Variants in TTLL5 observed in about 807,000 individuals in gnomAD.
TTLL5 encodes tubulin tyrosine ligase like 5.
TTLL5 carries 132 observed loss-of-function variants against 168.4 expected under a neutral mutation model. The observed-to-expected ratio is 0.78, with a 90% CI of 0.68 to 0.91. The LOEUF is 0.91. TTLL5 is among the 40% of genes least tolerant of loss of function. The probability of loss-of-function intolerance (pLI) is 0.00; values close to 1 mark genes in which losing one functional copy is unlikely to be tolerated. For synonymous variants in TTLL5, 546 were observed against 558.6 expected, an observed-to-expected ratio of 0.98 and a Z score of 0.32; for missense variants, 1,545 against 1,581.5, an observed-to-expected ratio of 0.98 and a Z score of 0.39.
chr14:75,756,109 C>G (rs1367496265), intron 18 of TTLL5, among the ~76,000 whole-genome samples: 1 of 151,388 alleles, frequency 6.6e-6, no homozygotes, highest in Non-Finnish European at 1.5e-5. Context: ...AACTTAAAAT[C>G]ATTTTGAGAC....
chr14:75,899,816 G>A (rs2032839757), intron 30 of TTLL5, among the ~76,000 whole-genome samples: 1 of 152,074 alleles, frequency 6.6e-6, no homozygotes, highest in Non-Finnish European at 1.5e-5. Flanking sequence ...AGTTTCAAGA[G>A]TTTTAAAGAC....
At chr14:75,779,168 G>A (rs963490554) in intron 23 of TTLL5, among the ~76,000 whole-genome samples, 5 of 152,178 alleles carry the variant, frequency 3.3e-5, no homozygotes, top group Non-Finnish European at 5.9e-5. Flanking sequence ...CAAGTCGCTG[G>A]TCAGGTTTAG....
At chr14:75,831,969 G>C (rs1454711081) in intron 28 of TTLL5, among the ~76,000 whole-genome samples, 1 of 152,108 alleles carries the variant, frequency 6.6e-6, no homozygotes, top group Non-Finnish European at 1.5e-5. Context: ...CCAACGGAGG[G>C]GTAGAGTCCT....
intron 27 of TTLL5, among the ~76,000 whole-genome samples, chr14:75,810,069 C>T (rs1276364030): frequency 1.3e-5 from 2 of 152,068 alleles, no homozygotes; most frequent in Non-Finnish European, 2.9e-5. Flanking sequence ...TCCATATTGA[C>T]TGTGCTACTT....
At chr14:75,892,626 A>C (rs892100146) in intron 30 of TTLL5, among the ~76,000 whole-genome samples, 9 of 152,152 alleles carry the variant, frequency 5.9e-5, no homozygotes, top group African/African-American at 2.2e-4. Flanking sequence ...ACAGTCCCTC[A>C]CTACAAAGAA....
chr14:75,693,036 G>A (rs745843285), intron 6 of TTLL5, among the ~76,000 whole-genome samples: 1 of 152,142 alleles, frequency 6.6e-6, no homozygotes, highest in South Asian at 2.1e-4. Context: ...AAGGGAATGA[G>A]GTCTCAGAGG....
At position 75,835,067 on chromosome 14, in the gene TTLL5, CCAAA is replaced by C. The variant is rs148388203; in HGVS notation, c.3326+14931_3326+14934del. On this transcript the variant is annotated intron_variant, in intron 28 of 31. Coordinates refer to ENST00000298832, the MANE Select transcript of TTLL5 (RefSeq NM_015072.5). ...TGGGCAACAGAGTGAGACCCTGTCT[CCAAA>C]CAAACAAACAAACAAACAAACAAAA... is the stretch of plus-strand genomic sequence containing the variant. 3.4e-3 allele frequency among the ~76,000 whole-genome samples: 520 copies of C among 152,092 alleles called. 13 individuals are homozygous for C. The East Asian group carries it at 0.047, about 14-fold the overall frequency.
intron 28 of TTLL5, among the ~76,000 whole-genome samples, chr14:75,833,515 C>CCACT (rs1028393082): frequency 6.6e-6 from 1 of 152,076 alleles, no homozygotes; most frequent in Non-Finnish European, 1.5e-5. Context: ...CTTTTTTTAG[C>CCACT]CACTCACTAG....
At chr14:75,753,729 A>G (rs1890091020) in intron 18 of TTLL5, among the ~76,000 whole-genome samples, 1 of 152,208 alleles carries the variant, frequency 6.6e-6, no homozygotes. Flanking sequence ...CATTGTGTAG[A>G]TTCTAAAGAA....
chr14:75,822,772 G>A (rs1242317599), intron 28 of TTLL5, among the ~76,000 whole-genome samples: 6 of 152,244 alleles, frequency 3.9e-5, no homozygotes, highest in African/African-American at 1.4e-4. Flanking sequence ...CAGGGTTGTC[G>A]TCTCCCATTG....
At chr14:75,892,103 C>T (rs1039363904) in intron 30 of TTLL5, among the ~76,000 whole-genome samples, 3 of 152,194 alleles carry the variant, frequency 2.0e-5, no homozygotes, top group African/African-American at 4.8e-5. Context: ...ACACTAATAA[C>T]TCTAAAGGCA....
At chr14:75,719,659 G>A (rs941927715) in intron 10 of TTLL5, 76 bp from the exon 11 acceptor site, 1 of 1,283,370 alleles carries the variant, frequency 7.8e-7, no homozygotes, top group Middle Eastern at 2.0e-4. Context: ...AAGACAAGAA[G>A]GCTATTTGCA....
intron 31 of TTLL5, among the ~76,000 whole-genome samples, chr14:75,929,213 C>G (rs1338117292): frequency 6.6e-6 from 1 of 152,138 alleles, no homozygotes; most frequent in Non-Finnish European, 1.5e-5. Flanking sequence ...AAAGAGCTCT[C>G]AATTTAAAAT....
At chr14:75,832,955 G>C (rs1466064231) in intron 28 of TTLL5, among the ~76,000 whole-genome samples, 1 of 152,048 alleles carries the variant, frequency 6.6e-6, no homozygotes. Flanking sequence ...TCTGTTCTTA[G>C]GGCAGCAGGC....
chr14:75,950,806 A>C (rs949723247), intron 31 of TTLL5, among the ~76,000 whole-genome samples: 3 of 152,072 alleles, frequency 2.0e-5, no homozygotes, highest in African/African-American at 7.2e-5. Context: ...TGTCTCTATA[A>C]AAATTTTAAA....
intron 30 of TTLL5, among the ~76,000 whole-genome samples, chr14:75,889,841 AAAAGAG>A (rs1291071567): frequency 1.4e-4 from 15 of 107,618 alleles, no homozygotes; most frequent in Non-Finnish European, 3.8e-5. Flanking sequence ...AAAAAAAAAA[AAAAGAG>A]GAAGGAAGGA....
In TTLL5 at chr14:75,752,940, G is replaced by A. The variant is rs770398766; in HGVS notation, c.1535G>A (p.Arg512His). Residue 512 changes from arginine (R) to histidine (H), a missense_variant, in exon 18 of 32, where the codon CGC becomes CAC. Coordinates refer to ENST00000298832, the MANE Select transcript of TTLL5 (RefSeq NM_015072.5). ...TCAATGAACTATATGCTGGCAACACGCCTCTTCCAGGACAGGTAGAGATTT... is the reference window on the plus strand; with the variant it reads ...TCAATGAACTATATGCTGGCAACACACCTCTTCCAGGACAGGTAGAGATTT... Reference protein sequence around the residue: ...KTSMNYMLATRLFQDRMTADG... With the variant: ...KTSMNYMLATHLFQDRMTADG... 5.0e-6 allele frequency: 8 copies of A among 1,612,374 alleles called. No individual in the cohort carries two copies. In the East Asian group the frequency reaches 1.1e-4, roughly 23 times the overall value.
chr14:75,777,630 T>G (rs1048867891), intron 23 of TTLL5, among the ~76,000 whole-genome samples: 3 of 151,956 alleles, frequency 2.0e-5, no homozygotes, highest in African/African-American at 7.3e-5. Flanking sequence ...TGCAAAACCA[T>G]TAAAATAAAA....
At chr14:75,907,581 G>T (rs1304891837) in intron 31 of TTLL5, among the ~76,000 whole-genome samples, 1 of 152,124 alleles carries the variant, frequency 6.6e-6, no homozygotes, top group Non-Finnish European at 1.5e-5. Flanking sequence ...CCCACCACAG[G>T]ATTCATTTAC....
Sources: gnomAD v4.1 joint callset for allele counts (sites outside exome capture counted in the v4.1 genomes callset) on GRCh38, gnomAD v4.1.1 for gene constraint, MANE v1.5 for transcripts, NCBI Gene and HGNC (gene_info 2026-07-23, HGNC 2026-07-21) for gene names.